The following MID1 variants were observed in gnomAD, a reference collection of about 807,000 sequenced individuals.
MID1 encodes midline 1.
Under a neutral mutation model 40.4 loss-of-function variants are expected in MID1, and 7 were observed. The ratio of observed to expected loss-of-function variants is 0.17; its 90% CI spans 0.10 to 0.33. MID1 has a LOEUF of 0.33. MID1 is among the 10% of genes least tolerant of loss of function. The pLI is 1.00. For synonymous variants in MID1, 229 were observed against 221.2 expected (o/e 1.04, Z -0.31); for missense variants, 367 against 558.5 (o/e 0.66, Z 3.46).
At chrX:10,617,874 A>C (rs923744022) in intron 1 of MID1, among the ~76,000 whole-genome samples, 2 of 112,316 alleles carry the variant, frequency 1.8e-5, no homozygotes, top group African/African-American at 6.5e-5. Flanking sequence ...TTTTAAAATT[A>C]CTTCCTGATC....
chrX:10,468,410 C>T (rs1929506862), intron 7 of MID1, among the ~76,000 whole-genome samples: 1 of 112,118 alleles, frequency 8.9e-6, no homozygotes, highest in Admixed American at 9.5e-5. Flanking sequence ...ATTACTTGTG[C>T]TAGGAAAGAG....
At chrX:10,494,110 T>C (rs1001403932) in intron 4 of MID1, among the ~76,000 whole-genome samples, 5 of 112,525 alleles carry the variant, frequency 4.4e-5, no homozygotes, top group African/African-American at 1.6e-4. Flanking sequence ...TCGGCACATG[T>C]GAGTCCTTGG....
At chrX:10,798,519 C>T (rs2043982702) in intron 1 of MID1, among the ~76,000 whole-genome samples, 1 of 111,886 alleles carries the variant, frequency 8.9e-6, no homozygotes, top group African/African-American at 3.3e-5. Flanking sequence ...TGATCTCTCA[C>T]CCCATTTTGC....
At chrX:10,714,137 C>T (rs779667078) in intron 1 of MID1, among the ~76,000 whole-genome samples, 14 of 112,177 alleles carry the variant, frequency 1.2e-4, no homozygotes, top group Non-Finnish European at 2.4e-4. Flanking sequence ...GGCAGAATTC[C>T]CTCTTACAGG....
intron 3 of MID1, among the ~76,000 whole-genome samples, chrX:10,510,699 G>T (rs1932082414): frequency 9.3e-6 from 1 of 107,602 alleles, no homozygotes; most frequent in African/African-American, 3.4e-5. Flanking sequence ...GGGCATGGTG[G>T]TGCACACTTG....
chrX:10,809,891 T>G (rs1286962975), intron 1 of MID1, among the ~76,000 whole-genome samples: 1 of 110,484 alleles, frequency 9.1e-6, no homozygotes, highest in Non-Finnish European at 1.9e-5. Flanking sequence ...GTTGTGCACA[T>G]GTACCCTAGA....
intron 1 of MID1, among the ~76,000 whole-genome samples, chrX:10,573,418 A>G (rs1313879074): frequency 8.9e-6 from 1 of 112,026 alleles, no homozygotes; most frequent in Admixed American, 9.4e-5. Context: ...CATGGGAACT[A>G]ATCCACTCCT....
At chrX:10,613,736 G>T (rs375543996) in intron 1 of MID1, among the ~76,000 whole-genome samples, 789 of 48,214 alleles carry the variant, frequency 0.016, 2 homozygotes, top group African/African-American at 0.035. Flanking sequence ...TATATATAGA[G>T]AGAGAGAGAG....
chrX:10,515,525 T>A (rs1014587952), intron 3 of MID1, among the ~76,000 whole-genome samples: 2 of 112,035 alleles, frequency 1.8e-5, no homozygotes, highest in African/African-American at 3.2e-5. Flanking sequence ...CAAAGATAGA[T>A]TAAAAACTTA....
At chrX:10,752,213 TCTC>T (rs1274004704) in intron 1 of MID1, among the ~76,000 whole-genome samples, 3 of 111,880 alleles carry the variant, frequency 2.7e-5, no homozygotes, top group African/African-American at 9.8e-5. Context: ...TGTCCACTCC[TCTC>T]CTCAAGTCAT....
At chrX:10,539,707 C>T (rs867556699) in intron 2 of MID1, among the ~76,000 whole-genome samples, 1 of 92,434 alleles carries the variant, frequency 1.1e-5, no homozygotes, top group Non-Finnish European at 2.3e-5. Flanking sequence ...ACAGTTTCCT[C>T]AATAGCCAAA....
intron 5 of MID1, among the ~76,000 whole-genome samples, chrX:10,480,732 T>C (rs1176234926): frequency 2.7e-5 from 3 of 111,831 alleles, no homozygotes; most frequent in African/African-American, 9.8e-5. Flanking sequence ...ACAGGGATGA[T>C]AGCCAGCTGT....
At chrX:10,814,805 AT>A (rs1265473363) in intron 1 of MID1, among the ~76,000 whole-genome samples, 1 of 111,814 alleles carries the variant, frequency 8.9e-6, no homozygotes, top group Non-Finnish European at 1.9e-5. Flanking sequence ...ATAGTATGTA[AT>A]TTTTTGACAC....
chrX:10,670,553 C>CAATGAT (rs1227133446), intron 1 of MID1, among the ~76,000 whole-genome samples: 1 of 111,929 alleles, frequency 8.9e-6, no homozygotes, highest in African/African-American at 3.2e-5. Context: ...AACAACTAGT[C>CAATGAT]AATGATAATG....
Position 10,448,679 on chromosome X carries a change from ATG to A in MID1, c.*687_*688del, listed in dbSNP as rs1289605236. The A allele has an allele frequency of 8.9e-6, 1 of 112,158 alleles. No homozygotes were observed. The highest frequency in any genetic ancestry group is 1.9e-5 in the Non-Finnish European group (1 of 53,256). 9.2% of individuals were successfully genotyped at this position (112,158 alleles called of 1,213,427 possible). A position where few individuals can be genotyped will look rare whatever the true frequency, so the allele number is the denominator to read the frequency against. ...TTAACCCTGAGAGAAGCAGGGCAAA[ATG>A]TGGCCAAAGGATTCAGAACCTTTCT... On this transcript the variant is annotated 3_prime_UTR_variant, in exon 10 of 10. Coordinates refer to ENST00000317552, the MANE Select transcript of MID1 (RefSeq NM_000381.4).
intron 3 of MID1, among the ~76,000 whole-genome samples, chrX:10,510,628 C>A (rs969291991): frequency 1.8e-5 from 2 of 108,125 alleles, no homozygotes; most frequent in Admixed American, 9.9e-5. Flanking sequence ...GTCAGGAGAT[C>A]GAGACCATCC....
At chrX:10,663,937 C>T (rs1172609310) in intron 1 of MID1, among the ~76,000 whole-genome samples, 3 of 111,546 alleles carry the variant, frequency 2.7e-5, no homozygotes, top group Non-Finnish European at 5.6e-5. Flanking sequence ...TACACGCATC[C>T]TCCCTACACA....
chrX:10,533,391 A>AAAAAGAAAGAAAGAAAAGAAAGAAAG (rs1933091894), intron 2 of MID1, among the ~76,000 whole-genome samples: 2 of 55,067 alleles, frequency 3.6e-5, no homozygotes, highest in African/African-American at 1.6e-4. Flanking sequence ...AGAAAGAAAG[A>AAAAAGAAAGAAAGAAAAGAAAGAAAG]AAAGAAAGAA....
At chrX:10,626,989 AGAG>A (rs1936002368) in intron 1 of MID1, among the ~76,000 whole-genome samples, 1 of 112,036 alleles carries the variant, frequency 8.9e-6, no homozygotes, top group Non-Finnish European at 1.9e-5. Flanking sequence ...GATACATAGC[AGAG>A]GAGATATTTG....
Sources: gnomAD v4.1 joint callset for allele counts (sites outside exome capture counted in the v4.1 genomes callset) on GRCh38, gnomAD v4.1.1 for gene constraint, MANE v1.5 for transcripts, NCBI Gene and HGNC (gene_info 2026-07-23, HGNC 2026-07-21) for gene names.